Variants in LRRC4C observed in about 807,000 individuals in gnomAD.
The protein encoded by LRRC4C is leucine-rich repeat-containing protein 4C.
In LRRC4C, 5 loss-of-function variants were observed where a neutral mutation model predicts 33.6. The observed-to-expected ratio is 0.15, with a 90% CI of 0.08 to 0.31. LRRC4C has a LOEUF of 0.31. Ranked by LOEUF, LRRC4C falls within the 10% of genes least tolerant of loss-of-function variation. The pLI is 1.00. For missense variants in LRRC4C, 560 were observed against 796.7 expected (o/e 0.70, Z 3.58); for synonymous variants, 329 against 302.0 (o/e 1.09, Z -0.93).
intron 5 of LRRC4C, among the ~76,000 whole-genome samples, chr11:40,162,839 G>A (rs1859269922): frequency 6.6e-6 from 1 of 152,092 alleles, no homozygotes; most frequent in African/African-American, 2.4e-5. Flanking sequence ...CAACAATGAG[G>A]CACTTTAACT....
intron 5 of LRRC4C, among the ~76,000 whole-genome samples, chr11:40,142,277 CAAAAAAAAAAAAAA>C (rs10577509): frequency 1.6e-5 from 1 of 60,778 alleles, no homozygotes; most frequent in Non-Finnish European, 2.9e-5. Flanking sequence ...GATTCTGTCT[CAAAAAAAAAAAAAA>C]AAAAAAAAAA....
intron 1 of LRRC4C, among the ~76,000 whole-genome samples, chr11:41,008,228 T>C (rs1337185458): frequency 6.6e-6 from 1 of 152,094 alleles, no homozygotes; most frequent in Non-Finnish European, 1.5e-5. Flanking sequence ...ATACAACAGG[T>C]AAAGTGATGT....
In LRRC4C at chr11:40,115,191, C is replaced by T. The variant is rs1855334169; in HGVS notation, c.1102G>A (p.Gly368Ser). 1 of 1,614,194 alleles carries T rather than the reference C, an allele frequency of 6.2e-7. No homozygotes were observed. The highest frequency in any genetic ancestry group is 8.5e-7 in the Non-Finnish European group (1 of 1,180,044). The change falls in exon 7 of 7, where the codon GGC becomes AGC. Residue 368 changes from glycine to serine, a missense_variant. Around this residue, in one of 3 missense-constraint regions of LRRC4C, gnomAD observed 455 missense variants for 643.8 expected, o/e 0.71. Coordinates refer to ENST00000528697, the MANE Select transcript of LRRC4C (RefSeq NM_001258419.2). This position sits in a 1 kb window ranked among gnomAD's most constrained non-coding sequence, Gnocchi z 6.7. ...EPPADLNVTE[G>S]MAAELKCRAS... is the part of the protein sequence containing the mutation. ...CGACATTTCAGCTCAGCTGCCATGC[C>T]TTCAGTGACATTGAGGTCTGCAGGG... is the stretch of plus-strand genomic sequence containing the variant.
At chr11:40,297,526 ATTCT>A (rs1240995466) in intron 4 of LRRC4C, among the ~76,000 whole-genome samples, 7 of 152,172 alleles carry the variant, frequency 4.6e-5, no homozygotes, top group African/African-American at 1.7e-4. Context: ...ATAATCCTCT[ATTCT>A]TTATTTCTTG....
At chr11:41,262,917 A>G (rs16935500) in intron 1 of LRRC4C, among the ~76,000 whole-genome samples, 9,789 of 152,082 alleles carry the variant, frequency 0.064, 325 homozygotes, top group African/African-American at 0.078. Flanking sequence ...TATTTTATCG[A>G]TGTCTTTCTT....
At chr11:40,378,414 G>T (rs2137319325) in intron 3 of LRRC4C, among the ~76,000 whole-genome samples, 1 of 151,948 alleles carries the variant, frequency 6.6e-6, no homozygotes, top group Non-Finnish European at 1.5e-5. Context: ...ATGACTTATT[G>T]CTTTGTAGGC....
chr11:40,410,202 T>C (rs958799332), intron 3 of LRRC4C, among the ~76,000 whole-genome samples: 1 of 152,014 alleles, frequency 6.6e-6, no homozygotes, highest in Admixed American at 6.6e-5. Flanking sequence ...GTAAGGTACA[T>C]ATGTATTTCA....
intron 2 of LRRC4C, among the ~76,000 whole-genome samples, chr11:40,814,711 C>A (rs1269613365): frequency 6.6e-6 from 1 of 151,598 alleles, no homozygotes; most frequent in African/African-American, 2.4e-5. Flanking sequence ...CTGCCAGATA[C>A]CCTAAATCAT....
At chr11:41,154,246 A>C (rs1944127786) in intron 1 of LRRC4C, among the ~76,000 whole-genome samples, 2 of 152,104 alleles carry the variant, frequency 1.3e-5, no homozygotes, top group Admixed American at 1.3e-4. Context: ...GATACTACTC[A>C]CTGTTCTATA....
chr11:40,621,913 A>C (rs1962495010), intron 3 of LRRC4C, among the ~76,000 whole-genome samples: 1 of 151,858 alleles, frequency 6.6e-6, no homozygotes, highest in Non-Finnish European at 1.5e-5. Context: ...AGAAAAACTG[A>C]GAAGTTAAAG....
intron 1 of LRRC4C, among the ~76,000 whole-genome samples, chr11:41,208,989 G>A (rs1946710295): frequency 6.6e-6 from 1 of 151,814 alleles, no homozygotes; most frequent in Admixed American, 6.6e-5. Context: ...CAGCCAGAGA[G>A]GATTATTCTC....
At chr11:40,814,784 G>T (rs1444437310) in intron 2 of LRRC4C, among the ~76,000 whole-genome samples, 1 of 151,908 alleles carries the variant, frequency 6.6e-6, no homozygotes, top group African/African-American at 2.4e-5. Flanking sequence ...CAGTCTCTTT[G>T]CTAAAACATA....
intron 2 of LRRC4C, among the ~76,000 whole-genome samples, chr11:40,800,020 A>T (rs879832607): frequency 1.3e-5 from 2 of 152,198 alleles, no homozygotes; most frequent in Non-Finnish European, 2.9e-5. Context: ...AAGAAGTCAG[A>T]GGAGAAAAAA....
intron 4 of LRRC4C, among the ~76,000 whole-genome samples, chr11:40,312,052 T>C (rs965768696): frequency 2.0e-5 from 3 of 152,072 alleles, no homozygotes; most frequent in African/African-American, 7.2e-5. Context: ...TTATGTCTTG[T>C]TATTTATCAT....
At chr11:40,163,111 A>G (rs1859296728) in intron 5 of LRRC4C, among the ~76,000 whole-genome samples, 1 of 152,216 alleles carries the variant, frequency 6.6e-6, no homozygotes, top group African/African-American at 2.4e-5. Flanking sequence ...AAAATTCCTC[A>G]TAGTGGTCCC....
In LRRC4C at chr11:41,044,475, G is replaced by A. The variant is rs75072808; in HGVS notation, c.-495-110752C>T. On this transcript the variant is annotated intron_variant, in intron 1 of 6. Coordinates refer to ENST00000528697, the MANE Select transcript of LRRC4C (RefSeq NM_001258419.2). ...TGAGAGATAATTAACAATTGTTTTT[G>A]GATCAATATTTCCTTGACCAGACTG... Among the ~76,000 whole-genome samples, 1,215 of 152,094 alleles carry A rather than the reference G, an allele frequency of 8.0e-3. 49 individuals are homozygous for A. In the East Asian group the frequency reaches 0.12, roughly 15 times the overall value.
intron 2 of LRRC4C, among the ~76,000 whole-genome samples, chr11:40,888,626 G>T (rs770354724): frequency 4.2e-4 from 64 of 151,924 alleles, no homozygotes; most frequent in Non-Finnish European, 7.1e-4. Context: ...GAATTGGAAG[G>T]AACTTTTTTA....
rs1565219319 is a variant in LRRC4C at position 40,936,050 on chromosome 11, AT to A, written c.-495-2328del. ...TATATATATATATATATATATATAT[AT>A]ATATATATATATATAACATAGTTTG... On this transcript the variant is annotated intron_variant, in intron 1 of 6. Coordinates refer to ENST00000528697, the MANE Select transcript of LRRC4C (RefSeq NM_001258419.2). Among the ~76,000 whole-genome samples, 89 of 88,054 alleles carry A rather than the reference AT, an allele frequency of 1.0e-3. 3 individuals carry two copies. The highest frequency in any genetic ancestry group is 1.5e-3 in the Non-Finnish European group (62 of 42,644). 57.8% of individuals were successfully genotyped at this position (88,054 alleles called of 152,430 possible).
At position 41,412,198 on chromosome 11, in the gene LRRC4C, C is replaced by T. The variant is rs1207626713; in HGVS notation, c.-496+47233G>A. Among the ~76,000 whole-genome samples, 4 of 152,180 alleles carry T rather than the reference C, an allele frequency of 2.6e-5. No individual in the cohort carries two copies. The East Asian group carries it at 7.7e-4, about 29-fold the overall frequency. Reference sequence around the variant, plus strand: ...ATTTAACCCACCAGCACTATGACCCCCGTCACTCACTGATTCATCAAAAAA... The same window carrying T: ...ATTTAACCCACCAGCACTATGACCCTCGTCACTCACTGATTCATCAAAAAA... On this transcript the variant is annotated intron_variant, in intron 1 of 6. Coordinates refer to ENST00000528697, the MANE Select transcript of LRRC4C (RefSeq NM_001258419.2).
Sources: allele counts gnomAD v4.1 joint callset (sites outside exome capture counted in the v4.1 genomes callset), GRCh38; gene constraint gnomAD v4.1.1; regional missense constraint gnomAD v4.1.1; non-coding constraint Gnocchi (gnomAD v3.1); transcripts MANE v1.5; gene names NCBI Gene and HGNC (gene_info 2026-07-23, HGNC 2026-07-21).